LARGE1: variants seen among roughly 807,000 people sequenced by gnomAD.
LARGE1 encodes the protein xylosyl- and glucuronyltransferase LARGE1.
Under a neutral mutation model 87.6 loss-of-function variants are expected in LARGE1, and 43 were observed. The ratio of observed to expected loss-of-function variants is 0.49; its 90% CI spans 0.38 to 0.63. The LOEUF is 0.63. LARGE1 is among the 30% of genes least tolerant of loss of function. LARGE1 has a pLI of 0.00. For synonymous variants in LARGE1, 434 were observed against 394.6 expected (o/e 1.10, Z -1.18); for missense variants, 802 against 1,000.2 (o/e 0.80, Z 2.67).
At chr22:33,864,380 C>T (rs1397532964) in intron 1 of LARGE1, among the ~76,000 whole-genome samples, 4 of 152,194 alleles carry the variant, frequency 2.6e-5, no homozygotes, top group Non-Finnish European at 5.9e-5. Flanking sequence ...AATACAGATA[C>T]TAAGTACATA....
chr22:33,851,119 T>C (rs1265123824), intron 1 of LARGE1, among the ~76,000 whole-genome samples: 3 of 152,224 alleles, frequency 2.0e-5, no homozygotes, highest in Non-Finnish European at 4.4e-5. Context: ...CAAGACACTT[T>C]ACAAGGTGTT....
At chr22:33,388,748 A>G (rs1157519168) in intron 7 of LARGE1, among the ~76,000 whole-genome samples, 2 of 151,364 alleles carry the variant, frequency 1.3e-5, no homozygotes, top group Non-Finnish European at 2.9e-5. Context: ...TGTATTTTTA[A>G]TAGAGATGGG....
intron 11 of LARGE1, among the ~76,000 whole-genome samples, chr22:33,213,312 T>C (rs1352043744): frequency 6.6e-6 from 1 of 152,218 alleles, no homozygotes; most frequent in Non-Finnish European, 1.5e-5. Context: ...ATGGTGAAGC[T>C]GCTGTGAACA....
At chr22:33,470,526 C>A (rs1304112867) in intron 6 of LARGE1, among the ~76,000 whole-genome samples, 2 of 152,212 alleles carry the variant, frequency 1.3e-5, no homozygotes, top group African/African-American at 4.8e-5. Flanking sequence ...CCACGTTCTC[C>A]TCTCTGTCAA....
At chr22:33,670,185 C>T (rs921807979) in intron 2 of LARGE1, among the ~76,000 whole-genome samples, 1 of 152,090 alleles carries the variant, frequency 6.6e-6, no homozygotes, top group African/African-American at 2.4e-5. Context: ...TAAATTCATA[C>T]ATTTATGAAA....
At chr22:33,605,496 T>C (rs1418396643) in intron 4 of LARGE1, among the ~76,000 whole-genome samples, 3 of 152,114 alleles carry the variant, frequency 2.0e-5, no homozygotes, top group Non-Finnish European at 4.4e-5. Context: ...TTCTGGAAAA[T>C]GTGGAGAAAG....
At chr22:33,383,491 C>T (rs1476058347) in intron 8 of LARGE1, among the ~76,000 whole-genome samples, 3 of 151,996 alleles carry the variant, frequency 2.0e-5, no homozygotes, top group South Asian at 2.1e-4. Flanking sequence ...ACCCAGGAGG[C>T]GGAGGTTGCC....
rs576391403 is a variant in LARGE1 at position 33,199,179 on chromosome 22, C to T, written c.1731-32347G>A. ...TAAAAATATCTCTTTGTGTCCTTTG[C>T]TTACTTTTTAATAGCGCTGTTTGAG... On this transcript the variant is annotated intron_variant, in intron 11 of 11. Coordinates refer to the LARGE1 transcript ENST00000608642. 8.2e-5 allele frequency among the ~76,000 whole-genome samples: 12 copies of T among 146,366 alleles called. No individual in the cohort carries two copies. In the East Asian group the frequency reaches 2.4e-3, roughly 29 times the overall value.
chr22:33,578,814 A>T (rs1424555031), intron 5 of LARGE1, among the ~76,000 whole-genome samples: 1 of 152,216 alleles, frequency 6.6e-6, no homozygotes, highest in Non-Finnish European at 1.5e-5. Context: ...AATTAATTGT[A>T]CTCAGAAATG....
chr22:33,316,913 C>T (rs375492222), intron 10 of LARGE1, among the ~76,000 whole-genome samples: 16 of 151,950 alleles, frequency 1.1e-4, no homozygotes, highest in African/African-American at 3.9e-4. Flanking sequence ...ATAACAATTT[C>T]AAATAACATG....
intron 11 of LARGE1, among the ~76,000 whole-genome samples, chr22:33,173,027 C>T (rs530221743): frequency 2.0e-5 from 3 of 152,152 alleles, no homozygotes; most frequent in South Asian, 2.1e-4. Context: ...AGATATTCCT[C>T]GAGAAGAGCA....
intron 6 of LARGE1, among the ~76,000 whole-genome samples, chr22:33,440,413 C>G (rs1336952375): frequency 6.6e-6 from 1 of 152,134 alleles, no homozygotes. Context: ...CCTGGGCACA[C>G]AGAGGAAGTC....
intron 5 of LARGE1, among the ~76,000 whole-genome samples, chr22:33,587,943 C>A (rs542876582): frequency 1.3e-5 from 2 of 152,126 alleles, no homozygotes; most frequent in Non-Finnish European, 2.9e-5. Context: ...GTTGGAAAAT[C>A]CATTCATTCT....
the LARGE1 span, among the ~76,000 whole-genome samples, chr22:33,086,322 A>C: frequency 0.2 from 29,673 of 152,106 alleles, 3,056 homozygotes; most frequent in African/African-American, 0.25. Flanking sequence ...TACGAGTTCC[A>C]TATTTTAGGT....
chr22:33,362,859 A>G lies in LARGE1; in HGVS notation c.1131+19060T>C, dbSNP rs180775772. On this transcript the variant is annotated intron_variant, in intron 9 of 14. Coordinates refer to ENST00000397394, the MANE Select transcript of LARGE1 (RefSeq NM_133642.5). ...AGAACTAACCCAGGACCGTCCTCCA[A>G]TTGTTTTGGAAGAGTCCTTAAGTTC... 9.3e-4 allele frequency among the ~76,000 whole-genome samples: 139 copies of G among 149,812 alleles called. 15 individuals are homozygous for G. The highest frequency in any genetic ancestry group is 3.3e-3 in the Admixed American group (50 of 15,148).
exon 12 of LARGE1, chr22:33,166,684 C>T (rs1307739227): frequency 8.6e-6 from 4 of 464,400 alleles, no homozygotes; most frequent in South Asian, 1.6e-5. Flanking sequence ...AACGTTGAGC[C>T]GTTCCAACAT....
At chr22:33,868,512 C>T (rs1163864434) in intron 1 of LARGE1, among the ~76,000 whole-genome samples, 6 of 152,212 alleles carry the variant, frequency 3.9e-5, no homozygotes, top group African/African-American at 1.4e-4. Flanking sequence ...TGGCCTAAAA[C>T]CATTACTGTC....
intron 1 of LARGE1, among the ~76,000 whole-genome samples, chr22:33,833,978 A>T (rs2063043453): frequency 6.6e-6 from 1 of 152,132 alleles, no homozygotes; most frequent in Non-Finnish European, 1.5e-5. Context: ...ATGAGCCACC[A>T]TGCCCAGCTC....
At chr22:33,620,102 A>G (rs961953114) in intron 4 of LARGE1, among the ~76,000 whole-genome samples, 1 of 152,206 alleles carries the variant, frequency 6.6e-6, no homozygotes, top group African/African-American at 2.4e-5. Flanking sequence ...TAAGACAATT[A>G]AAGGCAGATA....
Sources: gnomAD v4.1 joint callset for allele counts (sites outside exome capture counted in the v4.1 genomes callset) on GRCh38, gnomAD v4.1.1 for gene constraint, MANE v1.5 for transcripts, NCBI Gene and HGNC (gene_info 2026-07-23, HGNC 2026-07-21) for gene names.